IL16: variants seen among roughly 807,000 people sequenced by gnomAD.
The protein encoded by IL16 is interleukin 16, also known as pro-interleukin-16.
In IL16, 67 loss-of-function variants were observed where a neutral mutation model predicts 110.1. The observed-to-expected ratio is 0.61, with a 90% CI of 0.50 to 0.75. The LOEUF is 0.75. Ranked by LOEUF, IL16 falls within the 30% of genes least tolerant of loss-of-function variation. The pLI is 0.00. For missense variants in IL16, 1,545 were observed against 1,655.0 expected (o/e 0.93, Z 1.15); for synonymous variants, 689 against 662.9 (o/e 1.04, Z -0.61).
intron 18 of IL16, chr15:81,306,783 G>A: frequency 1.8e-6 from 1 of 545,686 alleles, no homozygotes. Flanking sequence ...TAAGTCCTGG[G>A]CTTGGTTCGG....
At chr15:81,252,200 G>A (rs1422295545) in intron 2 of IL16, among the ~76,000 whole-genome samples, 2 of 152,186 alleles carry the variant, frequency 1.3e-5, no homozygotes, top group Non-Finnish European at 2.9e-5. Flanking sequence ...GGATTCACTG[G>A]TAGGAAGTGG....
intron 10 of IL16, among the ~76,000 whole-genome samples, chr15:81,288,684 C>T (rs1027279427): frequency 2.0e-5 from 3 of 152,158 alleles, no homozygotes; most frequent in African/African-American, 7.2e-5. Context: ...GACTACTCTA[C>T]GTTCATCGAA....
chr15:81,251,026 G>A (rs1418335470), intron 2 of IL16, among the ~76,000 whole-genome samples: 1 of 152,106 alleles, frequency 6.6e-6, no homozygotes, highest in Admixed American at 6.5e-5. Flanking sequence ...TTATCTCAGA[G>A]CAACCTCCAG....
At chr15:81,215,550 A>G (rs1228959835) in intron 1 of IL16, among the ~76,000 whole-genome samples, 1 of 152,148 alleles carries the variant, frequency 6.6e-6, no homozygotes, top group Non-Finnish European at 1.5e-5. Flanking sequence ...CCCCTTCACC[A>G]GGTCTGCTCA....
In IL16 at chr15:81,302,489, G is replaced by A. The variant is rs149289161; in HGVS notation, c.3318+977G>A. Among the ~76,000 whole-genome samples, 42 of 152,344 alleles carry A rather than the reference G, an allele frequency of 2.8e-4. No individual in the cohort carries two copies. The East Asian group carries it at 8.1e-3, about 29-fold the overall frequency. Reference sequence around the variant, plus strand: ...TGATACTTGGGTAAAAGTTGAGAGAGTTGGGCTAGTGTTGGGGCTTGGAGG... The same window carrying A: ...TGATACTTGGGTAAAAGTTGAGAGAATTGGGCTAGTGTTGGGGCTTGGAGG... On this transcript the variant is annotated intron_variant, in intron 15 of 18. Coordinates refer to ENST00000683961, the MANE Select transcript of IL16 (RefSeq NM_172217.5).
intron 1 of IL16, among the ~76,000 whole-genome samples, chr15:81,217,591 C>T (rs1189884695): frequency 6.6e-6 from 1 of 152,138 alleles, no homozygotes; most frequent in Non-Finnish European, 1.5e-5. Context: ...AGATGGCAGA[C>T]CATTCCTATT....
At chr15:81,214,891 C>A (rs919595863) in intron 1 of IL16, among the ~76,000 whole-genome samples, 1 of 152,148 alleles carries the variant, frequency 6.6e-6, no homozygotes, top group Non-Finnish European at 1.5e-5. Context: ...CTCTGAGATT[C>A]TTTCCTCAGC....
At chr15:81,227,677 A>G (rs973409651) in intron 2 of IL16, among the ~76,000 whole-genome samples, 3 of 152,198 alleles carry the variant, frequency 2.0e-5, no homozygotes, top group South Asian at 4.1e-4. Flanking sequence ...TAAGAAAGTG[A>G]CATGCTCAGA....
At chr15:81,293,873 C>T (rs1306639475) in intron 12 of IL16, among the ~76,000 whole-genome samples, 1 of 152,214 alleles carries the variant, frequency 6.6e-6, no homozygotes, top group East Asian at 1.9e-4. Context: ...TCAATTAAAT[C>T]TTACAACCAC....
chr15:81,190,079 T>A (rs769816697), intron 1 of IL16, among the ~76,000 whole-genome samples: 2 of 152,222 alleles, frequency 1.3e-5, no homozygotes, highest in Non-Finnish European at 2.9e-5. Flanking sequence ...TCGGACATTC[T>A]GTGACAGCCA....
At chr15:81,242,155 C>T (rs1433212792) in intron 2 of IL16, among the ~76,000 whole-genome samples, 1 of 152,070 alleles carries the variant, frequency 6.6e-6, no homozygotes, top group East Asian at 1.9e-4. Context: ...TACATTAAGT[C>T]TTAAAATTGG....
At chr15:81,297,817 T>C (rs1900066157) in intron 13 of IL16, among the ~76,000 whole-genome samples, 1 of 152,064 alleles carries the variant, frequency 6.6e-6, no homozygotes, top group Admixed American at 6.5e-5. Context: ...TGAGACCAGG[T>C]AGTCAGGTCC....
At chr15:81,296,095 T>A (rs879789435) in intron 12 of IL16, among the ~76,000 whole-genome samples, 7 of 152,244 alleles carry the variant, frequency 4.6e-5, no homozygotes, top group Non-Finnish European at 8.8e-5. Context: ...TCTGGAACAC[T>A]ATTTTTCTGC....
upstream of IL16, among the ~76,000 whole-genome samples, chr15:81,195,851 C>T (rs1895584536): frequency 6.6e-6 from 1 of 152,178 alleles, no homozygotes; most frequent in Non-Finnish European, 1.5e-5. Context: ...TAAATGCCAC[C>T]TTATGATTAG....
chr15:81,222,366 C>T (rs1382800289), intron 1 of IL16, among the ~76,000 whole-genome samples: 1 of 142,066 alleles, frequency 7.0e-6, no homozygotes, highest in East Asian at 2.2e-4. Context: ...AGCTACTATT[C>T]CAGGAGGGTT....
rs996083300 is a variant in IL16 at position 81,313,194 on chromosome 15, T to C, written c.*4396T>C. ...CTGCGTGCTCCCAGGCTCCTTGGTG[T>C]CCCAACAGCTGGAGCTCCTCGATGA... On this transcript the variant is annotated 3_prime_UTR_variant, in exon 19 of 19. Transcript: ENST00000683961. 49 of 1,459,252 alleles carry C rather than the reference T, an allele frequency of 3.4e-5. No homozygotes were observed. In the Middle Eastern group the frequency reaches 1.3e-3, roughly 38 times the overall value. 90.4% of individuals were successfully genotyped at this position (1,459,252 alleles called of 1,614,324 possible). A position where few individuals can be genotyped will look rare whatever the true frequency, so the allele number is the denominator to read the frequency against.
chr15:81,254,972 T>C (rs28455908), intron 2 of IL16, among the ~76,000 whole-genome samples: 41,558 of 152,126 alleles, frequency 0.27, 7,280 homozygotes, highest in African/African-American at 0.5. Context: ...GTTCACCCCT[T>C]AGCTTTACTA....
At chr15:81,195,850 C>T (rs1028491872), upstream of IL16, among the ~76,000 whole-genome samples, 1 of 152,184 alleles carries the variant, frequency 6.6e-6, no homozygotes, top group African/African-American at 2.4e-5. Context: ...TTAAATGCCA[C>T]CTTATGATTA....
In IL16 at chr15:81,310,892, C is replaced by T. The variant is rs1034330127; in HGVS notation, c.*2094C>T. 3.3e-5 allele frequency: 5 copies of T among 152,204 alleles called. No individual in the cohort carries two copies. Among genetic ancestry groups the T allele is most frequent in the Non-Finnish European group, 5.9e-5 (4 of 68,088 alleles). 9.4% of individuals were successfully genotyped at this position (152,204 alleles called of 1,614,324 possible). A position where few individuals can be genotyped will look rare whatever the true frequency, so the allele number is the denominator to read the frequency against. On this transcript the variant is annotated 3_prime_UTR_variant, in exon 19 of 19. Coordinates refer to ENST00000683961, the MANE Select transcript of IL16 (RefSeq NM_172217.5). ...GGTTATCTGTCCCAGGTTATCTGGG[C>T]ATAGATGCAGGTGAGCCCATGGCCC...
Sources: gnomAD v4.1 joint callset for allele counts (sites outside exome capture counted in the v4.1 genomes callset) on GRCh38, gnomAD v4.1.1 for gene constraint, MANE v1.5 for transcripts, NCBI Gene and HGNC (gene_info 2026-07-23, HGNC 2026-07-21) for gene names.